Variants in ELFN2 observed in about 807,000 individuals in gnomAD.
The protein encoded by ELFN2 is extracellular leucine rich repeat and fibronectin type III domain containing 2.
A neutral mutation model predicts 45.5 loss-of-function variants in ELFN2; 17 were observed. That is an observed-to-expected ratio of 0.37 (90% CI 0.26 to 0.56). The LOEUF (loss-of-function observed/expected upper bound fraction) is 0.56. ELFN2 is among the 20% of genes least tolerant of loss of function. The pLI is 0.77. For synonymous variants in ELFN2, 550 were observed against 551.5 expected, an observed-to-expected ratio of 1.00 and a Z score of 0.04; for missense variants, 922 against 1,183.2, an observed-to-expected ratio of 0.78 and a Z score of 3.24.
At chr22:37,422,927 T>C (rs1201341260) in intron 1 of ELFN2, among the ~76,000 whole-genome samples, 1 of 111,714 alleles carries the variant, frequency 9.0e-6, no homozygotes, top group African/African-American at 3.8e-5. Flanking sequence ...CACTTCATAT[T>C]GAGGAAACTG....
downstream of ELFN2, among the ~76,000 whole-genome samples, chr22:37,363,233 G>T (rs1931128484): frequency 6.6e-6 from 1 of 152,100 alleles, no homozygotes; most frequent in South Asian, 2.1e-4. Flanking sequence ...AGAGAATTCT[G>T]TTCTCTGCAA....
intron 1 of ELFN2, among the ~76,000 whole-genome samples, chr22:37,355,937 T>C (rs906101809): frequency 1.3e-5 from 2 of 152,222 alleles, no homozygotes; most frequent in African/African-American, 4.8e-5. Context: ...TGCTGTGATA[T>C]GTGTGCAGCT....
At chr22:37,394,208 C>T (rs766413960) in intron 2 of ELFN2, among the ~76,000 whole-genome samples, 7 of 152,186 alleles carry the variant, frequency 4.6e-5, no homozygotes, top group Non-Finnish European at 8.8e-5. Flanking sequence ...CCATCCACCT[C>T]GACACCTCTC....
chr22:37,395,399 G>C (rs1027181656), intron 2 of ELFN2, among the ~76,000 whole-genome samples: 1 of 152,150 alleles, frequency 6.6e-6, no homozygotes, highest in African/African-American at 2.4e-5. Flanking sequence ...TGGGAGACGG[G>C]CACTGTTATT....
At chr22:37,403,156 C>A (rs1190185172) in intron 2 of ELFN2, among the ~76,000 whole-genome samples, 2 of 152,056 alleles carry the variant, frequency 1.3e-5, no homozygotes, top group African/African-American at 4.8e-5. Context: ...TCGCAAGTCC[C>A]CCATGAGGTA....
intron 1 of ELFN2, among the ~76,000 whole-genome samples, chr22:37,345,481 G>T (rs1315647069): frequency 1.3e-5 from 2 of 151,776 alleles, no homozygotes; most frequent in Non-Finnish European, 2.9e-5. Context: ...GTGCTCCACA[G>T]CCCTGAGGCA....
At chr22:37,404,527 G>T (rs1009410124) in intron 2 of ELFN2, among the ~76,000 whole-genome samples, 4 of 152,134 alleles carry the variant, frequency 2.6e-5, no homozygotes, top group African/African-American at 9.7e-5. Flanking sequence ...CAGAGGCAGA[G>T]CCCGGGTGGG....
chr22:37,422,459 C>T (rs1932815966), intron 1 of ELFN2, among the ~76,000 whole-genome samples: 1 of 151,996 alleles, frequency 6.6e-6, no homozygotes, highest in African/African-American at 2.4e-5. Flanking sequence ...GCAATCCCAG[C>T]ACTTTGGGAG....
intron 1 of ELFN2, among the ~76,000 whole-genome samples, chr22:37,348,481 G>C (rs1471789947): frequency 6.6e-6 from 1 of 150,840 alleles, no homozygotes; most frequent in South Asian, 2.1e-4. Flanking sequence ...CAGGGCCCCA[G>C]ATCAGGGAGG....
rs376827195 is a variant in ELFN2, at chr22:37,373,970, G to A, written c.1565C>T (p.Pro522Leu). The change falls in exon 3 of 3, where the codon CCG (proline) becomes CTG (leucine). Residue 522 changes from proline (P) to leucine (L), a missense_variant. Transcript: ENST00000402918. ...CGAGCCCTGGCCGTTCTCGAGGTCC[G>A]GGAGGTCATCCTCGGGCCGAGCCAG... ...DGLARPEDDL[P>L]DLENGQGSAA... The A allele has an allele frequency of 5.1e-5, 82 of 1,612,898 alleles. 1 individual carries two copies. Among genetic ancestry groups the A allele is most frequent in the Admixed American group, 3.0e-4 (18 of 60,006 alleles).
intron 2 of ELFN2, among the ~76,000 whole-genome samples, chr22:37,384,459 G>A (rs753652387): frequency 6.8e-6 from 1 of 146,940 alleles, no homozygotes; most frequent in Non-Finnish European, 1.5e-5. Context: ...CTCCTCCCCT[G>A]GATCCCACCT....
At chr22:37,398,446 C>T (rs2145667966) in intron 2 of ELFN2, among the ~76,000 whole-genome samples, 1 of 152,210 alleles carries the variant, frequency 6.6e-6, no homozygotes, top group South Asian at 2.1e-4. Flanking sequence ...CTGAGCCGCC[C>T]TGGGCTCCAC....
chr22:37,373,764 T>C lies in ELFN2; in HGVS notation c.1771A>G (p.Thr591Ala). The C allele has an allele frequency of 6.3e-7, 1 of 1,582,648 alleles. No individual in the cohort carries two copies. The highest frequency in any genetic ancestry group is 8.5e-7 in the Non-Finnish European group (1 of 1,170,524). ...LPAAAAASSA[T>A]GPGALERPSF... is the part of the protein sequence containing the mutation. ...GGCCGCTCCAGGGCCCCGGGGCCAG[T>C]GGCTGAGGAGGCGGCAGCAGCTGCA... Residue 591 changes from threonine to alanine, a missense_variant, in exon 3 of 3, where the codon ACT (threonine) becomes GCT (alanine). Around this residue, in one of 2 missense-constraint regions of ELFN2, gnomAD observed 564 missense variants for 642.8 expected, o/e 0.88. Coordinates refer to ENST00000402918, the MANE Select transcript of ELFN2 (RefSeq NM_052906.5).
At chr22:37,355,301 C>T (rs1930921578) in intron 1 of ELFN2, among the ~76,000 whole-genome samples, 1 of 152,220 alleles carries the variant, frequency 6.6e-6, no homozygotes, top group African/African-American at 2.4e-5. Flanking sequence ...TCTGCTCTTC[C>T]CCACCTCGAG....
At chr22:37,426,127 G>C (rs1932846711) in intron 1 of ELFN2, among the ~76,000 whole-genome samples, 1 of 151,782 alleles carries the variant, frequency 6.6e-6, no homozygotes, top group Non-Finnish European at 1.5e-5. Context: ...GACCAAGGCA[G>C]TGCCCTCCAG....
At chr22:37,366,336 C>T (rs1931205832), downstream of ELFN2, among the ~76,000 whole-genome samples, 1 of 152,246 alleles carries the variant, frequency 6.6e-6, no homozygotes, top group Non-Finnish European at 1.5e-5. Context: ...CGGATCTCCA[C>T]CCACCGGAGC....
intron 1 of ELFN2, among the ~76,000 whole-genome samples, chr22:37,360,787 A>T (rs1931066065): frequency 6.6e-6 from 1 of 152,220 alleles, no homozygotes; most frequent in Non-Finnish European, 1.5e-5. Flanking sequence ...AGGAGGCAAG[A>T]GCAGCTCTGG....
intron 2 of ELFN2, among the ~76,000 whole-genome samples, chr22:37,416,456 C>T (rs11705648): frequency 0.021 from 3,232 of 152,240 alleles, 46 homozygotes; most frequent in Non-Finnish European, 0.029. Flanking sequence ...GCAAACATGA[C>T]GGATGGGGAC....
chr22:37,413,196 G>A (rs1156900836), intron 2 of ELFN2, among the ~76,000 whole-genome samples: 1 of 152,164 alleles, frequency 6.6e-6, no homozygotes, highest in Non-Finnish European at 1.5e-5. Flanking sequence ...AGGGGGATAA[G>A]AGGTGGGGCT....
Sources: gnomAD v4.1 joint callset for allele counts (sites outside exome capture counted in the v4.1 genomes callset) on GRCh38, gnomAD v4.1.1 for gene constraint, gnomAD v4.1.1 regional missense constraint, MANE v1.5 for transcripts, NCBI Gene and HGNC (gene_info 2026-07-23, HGNC 2026-07-21) for gene names.